DYNC2I1: variants seen among roughly 807,000 people sequenced by gnomAD.
The protein encoded by DYNC2I1 is cytoplasmic dynein 2 intermediate chain 1.
Under a neutral mutation model 133.4 loss-of-function variants are expected in DYNC2I1, and 89 were observed. That is an observed-to-expected ratio of 0.67 (90% CI 0.56 to 0.80). DYNC2I1 has a LOEUF of 0.80. DYNC2I1 is among the 30% of genes least tolerant of loss of function. DYNC2I1 has a pLI of 0.00. For synonymous variants in DYNC2I1, 504 were observed against 484.3 expected (o/e 1.04, Z -0.54); for missense variants, 1,291 against 1,314.5 (o/e 0.98, Z 0.28).
At position 158,881,430 on chromosome 7, in the gene DYNC2I1, A is replaced by AT. The variant is rs567197603; in HGVS notation, c.879+1449dup. ...AGCAGCTCCTTGAGGACAGATACTC[A>AT]TTTTTTTTGTTTTTATTTATTTTTA... On this transcript the variant is annotated intron_variant, in intron 5 of 24. Coordinates refer to ENST00000407559, the MANE Select transcript of DYNC2I1 (RefSeq NM_018051.5). 5.9e-5 allele frequency among the ~76,000 whole-genome samples: 9 copies of AT among 151,944 alleles called. No homozygotes were observed. The South Asian group carries it at 6.3e-4, about 11-fold the overall frequency.
At chr7:158,927,143 G>A in intron 20 of DYNC2I1, 100 bp downstream of exon 20, 1 of 801,192 alleles carries the variant, frequency 1.2e-6, no homozygotes, top group Non-Finnish European at 2.0e-6. Flanking sequence ...CACACCTGCT[G>A]GGAGCCTCAG....
intron 7 of DYNC2I1, among the ~76,000 whole-genome samples, chr7:158,890,240 A>G (rs1308382699): frequency 6.6e-6 from 1 of 152,174 alleles, no homozygotes; most frequent in Non-Finnish European, 1.5e-5. Context: ...AATAAATCTA[A>G]AATAGTATCC....
At position 158,926,461 on chromosome 7, in the gene DYNC2I1, T is replaced by C. The variant is rs1849633317; in HGVS notation, c.2431T>C (p.Trp811Arg). The change falls in exon 19 of 25, where the codon TGG becomes CGG. Residue 811 changes from tryptophan to arginine, a missense_variant and splice_region_variant. Transcript: ENST00000407559. The part of the protein sequence containing the change: ...SLDESGVLNV[W>R]VVVELPKADI... The stretch of plus-strand genomic sequence containing the variant: ...GGATGAGAGTGGGGTTCTCAATGTA[T>C]GGGTGAGTAGTGGCCCAGGCCGGGC... 3 of 1,612,844 alleles carry C rather than the reference T, an allele frequency of 1.9e-6. No individual in the cohort carries two copies. Among genetic ancestry groups the C allele is most frequent in the Admixed American group, 1.7e-5 (1 of 59,842 alleles).
intron 1 of DYNC2I1, among the ~76,000 whole-genome samples, chr7:158,863,846 C>T (rs1161941777): frequency 1.8e-5 from 2 of 108,798 alleles, no homozygotes; most frequent in East Asian, 6.8e-4. Flanking sequence ...GTCCTTAGCT[C>T]CGGGTGTTGG....
At chr7:158,915,841 A>G (rs1848153173) in intron 14 of DYNC2I1, among the ~76,000 whole-genome samples, 1 of 147,610 alleles carries the variant, frequency 6.8e-6, no homozygotes, top group Non-Finnish European at 1.5e-5. Context: ...AAACGTCAAC[A>G]CGCTGGTTGA....
the DYNC2I1 span, among the ~76,000 whole-genome samples, chr7:158,849,546 A>G: frequency 6.6e-6 from 1 of 152,218 alleles, no homozygotes; most frequent in African/African-American, 2.4e-5. Context: ...GAGTGTTACA[A>G]CAGCTTGGAG....
chr7:158,958,326 C>T (rs889892059), downstream of DYNC2I1, among the ~76,000 whole-genome samples: 1 of 152,270 alleles, frequency 6.6e-6, no homozygotes, highest in African/African-American at 2.4e-5. Context: ...CCGCCCCACA[C>T]CTGGCGTTCC....
rs375937535 is a variant in DYNC2I1 at position 158,916,065 on chromosome 7, T to G, written c.1791+1744T>G. The stretch of plus-strand genomic sequence containing the variant: ...GAGATTAAGGATGATTGTGAAACGT[T>G]GACACGCTGGTTGAGATTAAGGATT... On this transcript the variant is annotated intron_variant, in intron 14 of 24. Coordinates refer to ENST00000407559, the MANE Select transcript of DYNC2I1 (RefSeq NM_018051.5). Among the ~76,000 whole-genome samples the G allele has an allele frequency of 3.4e-3, 156 of 46,156 alleles. 17 individuals are homozygous for G. Among genetic ancestry groups the G allele is most frequent in the Non-Finnish European group, 4.0e-3 (81 of 20,054 alleles). 30.3% of individuals were successfully genotyped at this position (46,156 alleles called of 152,430 possible). A position where few individuals can be genotyped will look rare whatever the true frequency, so the allele number is the denominator to read the frequency against.
chr7:158,893,703 T>C (rs1286486034), intron 8 of DYNC2I1, among the ~76,000 whole-genome samples: 1 of 152,128 alleles, frequency 6.6e-6, no homozygotes, highest in Non-Finnish European at 1.5e-5. Context: ...TCCTACTGCA[T>C]ATCGTACCAC....
intron 23 of DYNC2I1, 146 bp from the exon 24 acceptor site, chr7:158,941,779 G>GTATCATTAAAA: frequency 1.2e-6 from 1 of 841,708 alleles, no homozygotes. Flanking sequence ...TCAGGAGGCC[G>GTATCATTAAAA]AGGCAGGAGG....
intron 4 of DYNC2I1, among the ~76,000 whole-genome samples, chr7:158,956,076 A>C (rs1331271183): frequency 6.6e-6 from 1 of 152,226 alleles, no homozygotes; most frequent in Non-Finnish European, 1.5e-5. Flanking sequence ...GCAATGGCTT[A>C]AATGATTTTT....
chr7:158,865,011 C>T (rs925014546), intron 1 of DYNC2I1, among the ~76,000 whole-genome samples: 3 of 152,202 alleles, frequency 2.0e-5, no homozygotes. Context: ...GTGGCAGGAA[C>T]AATGAGCGTC....
chr7:158,883,231 T>C (rs1585024200), intron 5 of DYNC2I1, among the ~76,000 whole-genome samples: 1 of 150,920 alleles, frequency 6.6e-6, no homozygotes, highest in South Asian at 2.1e-4. Flanking sequence ...TTTTTTTTTT[T>C]TTTTGAGATT....
chr7:158,904,849 T>C, intron 10 of DYNC2I1: 1 of 232,088 alleles, frequency 4.3e-6, no homozygotes, highest in Non-Finnish European at 8.5e-6. Flanking sequence ...AGCCACACCC[T>C]CTGCATTGCT....
chr7:158,915,353 G>T (rs1585143027), intron 14 of DYNC2I1, among the ~76,000 whole-genome samples: 1 of 116,958 alleles, frequency 8.6e-6, no homozygotes. Context: ...ACGTCGACAC[G>T]CTGGTTGACA....
chr7:158,952,572 A>AT (rs1037169653), intron 4 of DYNC2I1, among the ~76,000 whole-genome samples: 21 of 151,900 alleles, frequency 1.4e-4, no homozygotes, highest in East Asian at 9.7e-4. Context: ...TACTTAAAAA[A>AT]ATATCCTAAG....
At chr7:158,937,765 G>A (rs925043919) in intron 23 of DYNC2I1, among the ~76,000 whole-genome samples, 2 of 152,164 alleles carry the variant, frequency 1.3e-5, no homozygotes, top group African/African-American at 4.8e-5. Flanking sequence ...TAAAAAATTT[G>A]CCAAGAATGG....
chr7:158,874,375 T>C (rs1227057999), intron 3 of DYNC2I1, among the ~76,000 whole-genome samples: 2 of 152,156 alleles, frequency 1.3e-5, no homozygotes, highest in African/African-American at 4.8e-5. Flanking sequence ...GCCCTGCTAT[T>C]GGCCTAATTA....
chr7:158,923,779 C>T, intron 17 of DYNC2I1, 46 bp downstream of exon 17: 2 of 1,581,162 alleles, frequency 1.3e-6, no homozygotes, highest in Non-Finnish European at 1.7e-6. Flanking sequence ...AGAAAAGCCA[C>T]ACGGATTTGA....
Sources: allele counts gnomAD v4.1 joint callset (sites outside exome capture counted in the v4.1 genomes callset), GRCh38; gene constraint gnomAD v4.1.1; transcripts MANE v1.5; gene names NCBI Gene and HGNC (gene_info 2026-07-23, HGNC 2026-07-21).